MFAP1: variants seen among roughly 807,000 people sequenced by gnomAD.
The protein encoded by MFAP1 is microfibrillar-associated protein 1.
In MFAP1, 18 loss-of-function variants were observed where a neutral mutation model predicts 62.2. The observed-to-expected ratio is 0.29, with a 90% CI of 0.20 to 0.43. The LOEUF is 0.43. MFAP1 is among the 20% of genes least tolerant of loss of function. MFAP1 has a pLI of 1.00. For missense variants in MFAP1, 355 were observed against 559.7 expected, an observed-to-expected ratio of 0.63 and a Z score of 3.69; for synonymous variants, 175 against 180.4, an observed-to-expected ratio of 0.97 and a Z score of 0.24.
At chr15:43,819,678 C>T (rs1738669348) in intron 1 of MFAP1, among the ~76,000 whole-genome samples, 1 of 152,106 alleles carries the variant, frequency 6.6e-6, no homozygotes, top group South Asian at 2.1e-4. Context: ...ATTACAGGTG[C>T]CCACCACCAT....
chr15:43,813,248 C>T lies in MFAP1; in HGVS notation c.726+1G>A, dbSNP rs1242108010. On this transcript the variant is annotated splice_donor_variant, in intron 5 of 8. Coordinates refer to ENST00000267812, the MANE Select transcript of MFAP1 (RefSeq NM_005926.3). LOFTEE classifies it high-confidence loss of function. Reference sequence around the variant, plus strand: ...CATTCCTTGCAACCACTCCCCAGTACCTTGAGTGTGTACTTGCGCCTTTCC... The same window carrying T: ...CATTCCTTGCAACCACTCCCCAGTATCTTGAGTGTGTACTTGCGCCTTTCC... 3 of 1,613,928 alleles carry T rather than the reference C, an allele frequency of 1.9e-6. No individual in the cohort carries two copies. The highest frequency in any genetic ancestry group is 2.5e-6 in the Non-Finnish European group (3 of 1,180,020).
intron 1 of MFAP1, among the ~76,000 whole-genome samples, chr15:43,819,299 T>C (rs1341127792): frequency 6.6e-6 from 1 of 152,160 alleles, no homozygotes; most frequent in African/African-American, 2.4e-5. Flanking sequence ...TAAAATTTTA[T>C]TTTTGTTTGT....
At chr15:43,815,685 T>A (rs1883231395) in intron 2 of MFAP1, among the ~76,000 whole-genome samples, 1 of 151,740 alleles carries the variant, frequency 6.6e-6, no homozygotes, top group African/African-American at 2.4e-5. Flanking sequence ...CAGGCTGAAG[T>A]GCAAGGGCAT....
At chr15:43,815,522 GAAACTA>G (rs2087429068) in intron 2 of MFAP1, among the ~76,000 whole-genome samples, 1 of 152,038 alleles carries the variant, frequency 6.6e-6, no homozygotes, top group Non-Finnish European at 1.5e-5. Flanking sequence ...GCAGATTAAA[GAAACTA>G]AACTAGGATG....
At chr15:43,806,649 C>T (rs1000969289) in intron 7 of MFAP1, among the ~76,000 whole-genome samples, 9 of 152,098 alleles carry the variant, frequency 5.9e-5, no homozygotes, top group African/African-American at 1.2e-4. Context: ...CCAAGGCGGG[C>T]GGATCACGAG....
intron 2 of MFAP1, among the ~76,000 whole-genome samples, chr15:43,815,532 T>G (rs2087429118): frequency 6.6e-6 from 1 of 152,040 alleles, no homozygotes; most frequent in Non-Finnish European, 1.5e-5. Context: ...GAAACTAAAC[T>G]AGGATGTCAG....
intron 7 of MFAP1, among the ~76,000 whole-genome samples, chr15:43,807,832 GCTTA>G (rs1276563967): frequency 1.3e-5 from 2 of 152,096 alleles, no homozygotes; most frequent in Admixed American, 6.6e-5. Context: ...ATGCACTAAA[GCTTA>G]CTTACTCAAT....
chr15:43,804,976 T>C lies in MFAP1; in HGVS notation c.*118A>G. On this transcript the variant is annotated 3_prime_UTR_variant, in exon 9 of 9. Coordinates refer to ENST00000267812, the MANE Select transcript of MFAP1 (RefSeq NM_005926.3). ...TCTGGGCTACCCAGTATCACAAGTA[T>C]AGCAGTAAGTCCAATATCTGGATAC... The C allele has an allele frequency of 8.9e-7, 1 of 1,124,568 alleles. No homozygotes were observed. Among genetic ancestry groups the C allele is most frequent in the Non-Finnish European group, 1.3e-6 (1 of 788,828 alleles). The allele number at this position is 1,124,568 out of a possible 1,614,324, so 69.7% of individuals were successfully genotyped here.
chr15:43,814,363 G>T, intron 4 of MFAP1, 138 bp downstream of exon 4: 2 of 896,228 alleles, frequency 2.2e-6, no homozygotes, highest in Non-Finnish European at 1.7e-6. Flanking sequence ...CAGCTAGTCT[G>T]CCAAGGGTAG....
chr15:43,811,693 A>C (rs2087402292), intron 6 of MFAP1, among the ~76,000 whole-genome samples: 1 of 151,652 alleles, frequency 6.6e-6, no homozygotes, highest in Non-Finnish European at 1.5e-5. Context: ...ATTTTAGTAG[A>C]GATAGGTTTT....
chr15:43,820,265 C>G (rs867866799), intron 1 of MFAP1, among the ~76,000 whole-genome samples: 2 of 151,994 alleles, frequency 1.3e-5, no homozygotes, highest in African/African-American at 4.8e-5. Context: ...TGCAGTGAGC[C>G]GAGATCGCGC....
chr15:43,804,634 T>TA lies in MFAP1; in HGVS notation c.*459dup. 1.3e-5 allele frequency: 2 copies of TA among 153,380 alleles called. No individual in the cohort carries two copies. Among genetic ancestry groups the TA allele is most frequent in the East Asian group, 3.9e-4 (2 of 5,194 alleles). The allele number at this position is 153,380 out of a possible 1,614,324, so 9.5% of individuals were successfully genotyped here. ...ATGCACACATATATGGATCAAAAAGTATGTACAACTAGAAAAACGGACTCC... is the reference window on the plus strand; with the variant it reads ...ATGCACACATATATGGATCAAAAAGTAATGTACAACTAGAAAAACGGACTCC... On this transcript the variant is annotated 3_prime_UTR_variant, in exon 9 of 9. Transcript: ENST00000267812.
chr15:43,817,127 G>A (rs1259847861), intron 2 of MFAP1, 102 bp downstream of exon 2: 5 of 1,148,210 alleles, frequency 4.4e-6, no homozygotes, highest in Non-Finnish European at 6.3e-6. Flanking sequence ...ACAAGAATTA[G>A]CAAATGTAAT....
At chr15:43,820,819 G>A (rs1235356521) in intron 1 of MFAP1, among the ~76,000 whole-genome samples, 2 of 152,096 alleles carry the variant, frequency 1.3e-5, no homozygotes, top group Non-Finnish European at 2.9e-5. Context: ...TGCTGCCCAT[G>A]CTGGTCTTGA....
At chr15:43,809,444 T>C (rs2087384734) in intron 7 of MFAP1, among the ~76,000 whole-genome samples, 1 of 150,552 alleles carries the variant, frequency 6.6e-6, no homozygotes, top group East Asian at 1.9e-4. Context: ...CAGTGAACTA[T>C]AATCGCACCA....
intron 6 of MFAP1, among the ~76,000 whole-genome samples, chr15:43,810,552 A>G (rs898716264): frequency 5.9e-5 from 9 of 151,882 alleles, no homozygotes; most frequent in African/African-American, 1.9e-4. Context: ...AATTTTTAGT[A>G]GAGACGGGGT....
chr15:43,814,085 C>G (rs1372289677), intron 4 of MFAP1, among the ~76,000 whole-genome samples: 1 of 152,002 alleles, frequency 6.6e-6, no homozygotes, highest in Non-Finnish European at 1.5e-5. Context: ...AAAACCCCCT[C>G]TCTACTAAAA....
intron 6 of MFAP1, among the ~76,000 whole-genome samples, chr15:43,810,642 T>C (rs559441753): frequency 7.2e-5 from 11 of 152,186 alleles, no homozygotes; most frequent in South Asian, 2.1e-4. Context: ...GTTGGGATTA[T>C]AGGCGTGAGC....
intron 2 of MFAP1, among the ~76,000 whole-genome samples, chr15:43,815,768 G>T (rs2087430323): frequency 6.6e-6 from 1 of 151,938 alleles, no homozygotes; most frequent in Admixed American, 6.6e-5. Flanking sequence ...CGAGTAGCTG[G>T]GATTACAGGC....
Sources: allele counts gnomAD v4.1 joint callset (sites outside exome capture counted in the v4.1 genomes callset), GRCh38; gene constraint gnomAD v4.1.1; transcripts MANE v1.5; gene names NCBI Gene and HGNC (gene_info 2026-07-23, HGNC 2026-07-21).